Variants in RGS6 observed in about 807,000 individuals in gnomAD.
RGS6 encodes the protein regulator of G protein signaling 6.
RGS6 carries 30 observed loss-of-function variants against 78.5 expected under a neutral mutation model. That is an observed-to-expected ratio of 0.38 (90% CI 0.29 to 0.52). The LOEUF is 0.52. Among genes scored for constraint, RGS6 ranks in the 20% least tolerant of loss-of-function variants. The pLI is 0.85. For missense variants in RGS6, 495 were observed against 609.7 expected (o/e 0.81, Z 1.98); for synonymous variants, 206 against 206.0 (o/e 1.00, Z 0.00).
intron 2 of RGS6, among the ~76,000 whole-genome samples, chr14:72,215,677 A>G (rs1366652308): frequency 6.6e-6 from 1 of 152,206 alleles, no homozygotes; most frequent in Non-Finnish European, 1.5e-5. Flanking sequence ...GGAAGGAGGA[A>G]GTAACTTGTG....
intron 2 of RGS6, among the ~76,000 whole-genome samples, chr14:71,973,078 G>C (rs2093909473): frequency 6.6e-6 from 1 of 152,184 alleles, no homozygotes; most frequent in Non-Finnish European, 1.5e-5. Context: ...TTATGGCCAT[G>C]CGTAAGTTGT....
chr14:72,001,529 C>A (rs1555426150), intron 2 of RGS6, among the ~76,000 whole-genome samples: 1 of 146,776 alleles, frequency 6.8e-6, no homozygotes, highest in Non-Finnish European at 1.5e-5. Context: ...CACAACGCAG[C>A]AACAACAGCA....
the RGS6 span, among the ~76,000 whole-genome samples, chr14:72,578,198 T>C: frequency 1.3e-5 from 2 of 152,244 alleles, no homozygotes; most frequent in Admixed American, 6.5e-5. Context: ...AGGAATGCTC[T>C]TAGACTTTTT....
chr14:72,091,274 G>A (rs1168980040), intron 2 of RGS6, among the ~76,000 whole-genome samples: 1 of 152,182 alleles, frequency 6.6e-6, no homozygotes, highest in Admixed American at 6.5e-5. Context: ...GCTCTCTGCT[G>A]TAAGCAGCTA....
At chr14:72,583,980 C>A in the RGS6 span, among the ~76,000 whole-genome samples, 1 of 152,140 alleles carries the variant, frequency 6.6e-6, no homozygotes, top group African/African-American at 2.4e-5. Flanking sequence ...CAGGAGAAAA[C>A]AAAATGAGAA....
At chr14:72,006,628 T>G (rs1005034312) in intron 2 of RGS6, among the ~76,000 whole-genome samples, 16 of 152,232 alleles carry the variant, frequency 1.1e-4, no homozygotes. Flanking sequence ...GGCCATCAGC[T>G]TGATTGCAAA....
At chr14:72,326,105 T>C (rs915831519) in intron 2 of RGS6, among the ~76,000 whole-genome samples, 3 of 152,226 alleles carry the variant, frequency 2.0e-5, no homozygotes, top group African/African-American at 4.8e-5. Flanking sequence ...TGTATGTACA[T>C]GAATATGCTT....
chr14:72,318,762 A>G (rs2152500443), intron 2 of RGS6, among the ~76,000 whole-genome samples: 1 of 152,336 alleles, frequency 6.6e-6, no homozygotes, highest in Non-Finnish European at 1.5e-5. Flanking sequence ...GGGTATTGCA[A>G]GACTGGAAGT....
At chr14:72,271,531 A>T (rs1032381127) in intron 2 of RGS6, among the ~76,000 whole-genome samples, 2 of 152,214 alleles carry the variant, frequency 1.3e-5, no homozygotes, top group East Asian at 1.9e-4. Context: ...GACATGACCA[A>T]GTTCAGACTT....
chr14:72,546,040 C>T (rs1306529697), intron 17 of RGS6, among the ~76,000 whole-genome samples: 1 of 152,172 alleles, frequency 6.6e-6, no homozygotes, highest in Non-Finnish European at 1.5e-5. Flanking sequence ...AATGTGAGCA[C>T]TTGGGAATCT....
the RGS6 span, among the ~76,000 whole-genome samples, chr14:72,605,653 A>T: frequency 6.6e-6 from 1 of 152,118 alleles, no homozygotes; most frequent in Non-Finnish European, 1.5e-5. Flanking sequence ...GGCTGCAGGG[A>T]TGCCCAGGAA....
chr14:72,157,895 A>AGGT (rs1214291362), intron 2 of RGS6, among the ~76,000 whole-genome samples: 2 of 151,634 alleles, frequency 1.3e-5, no homozygotes, highest in Non-Finnish European at 2.9e-5. Flanking sequence ...CAGAACGTGC[A>AGGT]GGTTTGTTAC....
chr14:72,548,912 GT>G (rs1567108603), intron 17 of RGS6, among the ~76,000 whole-genome samples: 1 of 152,194 alleles, frequency 6.6e-6, no homozygotes, highest in African/African-American at 2.4e-5. Context: ...ATGTCTAGCC[GT>G]TTAGAAGCTG....
intron 2 of RGS6, among the ~76,000 whole-genome samples, chr14:72,164,387 A>G (rs1344374320): frequency 6.6e-6 from 1 of 152,140 alleles, no homozygotes; most frequent in Non-Finnish European, 1.5e-5. Context: ...GCCACTCTTT[A>G]GATGTTCACG....
intron 2 of RGS6, among the ~76,000 whole-genome samples, chr14:72,030,504 C>T (rs181402114): frequency 6.6e-6 from 1 of 152,178 alleles, no homozygotes; most frequent in East Asian, 1.9e-4. Context: ...GAGTTTGTGC[C>T]TTATGTTGTA....
At position 72,456,348 on chromosome 14, in the gene RGS6, T is replaced by G. The variant is rs75216619; in HGVS notation, c.235+1770T>G. On this transcript the variant is annotated intron_variant, in intron 4 of 17. Transcript: ENST00000553525. ...CTCTGTCACCCAGGCTAGAGTGCAG[T>G]GGCACGAGCATAGCTCACTGCAGCC... 6.1e-4 allele frequency among the ~76,000 whole-genome samples: 93 copies of G among 152,364 alleles called. No homozygotes were observed. In the East Asian group the frequency reaches 0.014, roughly 23 times the overall value.
intron 2 of RGS6, among the ~76,000 whole-genome samples, chr14:72,248,380 T>TTTTTATG (rs1157949401): frequency 6.6e-6 from 1 of 152,202 alleles, no homozygotes; most frequent in Non-Finnish European, 1.5e-5. Context: ...AATAGAGTAA[T>TTTTTATG]AATTCATAAA....
In RGS6 at chr14:72,459,646, G is replaced by A; in HGVS notation, c.357G>A (p.Trp119Ter). The change falls in exon 6 of 18, where the codon TGG becomes TGA. Residue 119 changes from tryptophan (W) to a stop codon, truncating the protein, a stop_gained. Coordinates refer to ENST00000553525, the MANE Select transcript of RGS6 (RefSeq NM_001204424.2). LOFTEE classifies it high-confidence loss of function. ...TFYRFQAPYF[W>*]PSNCWEPENT... The stretch of plus-strand genomic sequence containing the variant: ...CTCCTTTGCAGGCTCCGTACTTCTG[G>A]CCTTCGAACTGCTGGGAACCTGAAA... 6.2e-7 allele frequency: 1 copy of A among 1,614,064 alleles called. No homozygotes were observed. The highest frequency in any genetic ancestry group is 8.5e-7 in the Non-Finnish European group (1 of 1,180,030).
chr14:72,242,267 G>A (rs563463811), intron 2 of RGS6, among the ~76,000 whole-genome samples: 2 of 152,288 alleles, frequency 1.3e-5, no homozygotes, highest in Middle Eastern at 6.8e-3. Context: ...GTGCTCTTGG[G>A]CTTTTCAGTG....
Sources: allele counts gnomAD v4.1 joint callset (sites outside exome capture counted in the v4.1 genomes callset), GRCh38; gene constraint gnomAD v4.1.1; transcripts MANE v1.5; gene names NCBI Gene and HGNC (gene_info 2026-07-23, HGNC 2026-07-21).